The following CREB3L3 variants were observed in gnomAD, a reference collection of about 807,000 sequenced individuals.
The protein encoded by CREB3L3 is cAMP responsive element binding protein 3 like 3, also known as cyclic AMP-responsive element-binding protein 3-like protein 3.
CREB3L3 carries 40 observed loss-of-function variants against 44.6 expected under a neutral mutation model. The ratio of observed to expected loss-of-function variants is 0.90; its 90% CI spans 0.70 to 1.17. The LOEUF (loss-of-function observed/expected upper bound fraction) is 1.17. CREB3L3 is among the 50% of genes most tolerant of loss of function. CREB3L3 has a pLI of 0.00. For synonymous variants in CREB3L3, 273 were observed against 256.3 expected, an observed-to-expected ratio of 1.06 and a Z score of -0.62; for missense variants, 578 against 595.8, an observed-to-expected ratio of 0.97 and a Z score of 0.31.
At chr19:4,165,612 A>G (rs1265310866) in intron 5 of CREB3L3, among the ~76,000 whole-genome samples, 1 of 152,144 alleles carries the variant, frequency 6.6e-6, no homozygotes, top group African/African-American at 2.4e-5. Flanking sequence ...CTGTAATCCC[A>G]GCACTGTGGG....
At chr19:4,170,862 C>G (rs1463152833) in intron 7 of CREB3L3, among the ~76,000 whole-genome samples, 1 of 151,484 alleles carries the variant, frequency 6.6e-6, no homozygotes, top group Non-Finnish European at 1.5e-5. Context: ...AGTGAGCTGC[C>G]ATCCCACCAC....
intron 3 of CREB3L3, among the ~76,000 whole-genome samples, chr19:4,158,665 G>A (rs1025015309): frequency 5.3e-5 from 8 of 152,158 alleles, no homozygotes; most frequent in African/African-American, 1.9e-4. Flanking sequence ...GCTGGGTGTG[G>A]TGGCAGGCGC....
Position 4,171,486 on chromosome 19 carries a change from G to T in CREB3L3, c.1072+7G>T, listed in dbSNP as rs752856335. On this transcript the variant is annotated splice_region_variant and intron_variant, in intron 9 of 9. Coordinates refer to ENST00000078445, the MANE Select transcript of CREB3L3 (RefSeq NM_032607.3). The surrounding 1 kb of genome is among the most constrained non-coding windows in gnomAD (Gnocchi z 4.9). ...GACTTTGCGCCTGTACGAGGTAGGG[G>T]ATCCCCACCTTTGAAACCCTTGTCT... The T allele has an allele frequency of 2.5e-6, 4 of 1,613,832 alleles. No homozygotes were observed. Among genetic ancestry groups the T allele is most frequent in the Non-Finnish European group, 3.4e-6 (4 of 1,179,804 alleles).
Position 4,171,900 on chromosome 19 carries a change from C to T in CREB3L3, c.1317C>T (p.Asp439=), listed in dbSNP as rs147172080. The T allele has an allele frequency of 3.6e-3, 5,881 of 1,612,578 alleles. 26 individuals are homozygous for T. The highest frequency in any genetic ancestry group is 9.5e-3 in the South Asian group (863 of 91,052). The change falls in exon 10 of 10, where the codon GAC becomes GAT. Residue 439 remains aspartate (D), a synonymous_variant. Coordinates refer to ENST00000078445, the MANE Select transcript of CREB3L3 (RefSeq NM_032607.3). This position sits in a 1 kb window ranked among gnomAD's most constrained non-coding sequence, Gnocchi z 4.9. The part of the protein sequence containing the change: ...TEGLGQVALL[D]WVAPGPSTGS... Reference sequence around the variant, plus strand: ...GGCTGGGCCAGGTCGCCCTGCTGGACTGGGTGGCGCCTGGGCCGAGCACTG... The same window carrying T: ...GGCTGGGCCAGGTCGCCCTGCTGGATTGGGTGGCGCCTGGGCCGAGCACTG...
rs935420113 is a variant in CREB3L3 at position 4,172,034 on chromosome 19, C to T, written c.*65C>T. 6.2e-6 allele frequency: 9 copies of T among 1,453,820 alleles called. No homozygotes were observed. Among genetic ancestry groups the T allele is most frequent in the Admixed American group, 4.4e-5 (2 of 45,334 alleles). The allele number at this position is 1,453,820 out of a possible 1,614,324, so 90.1% of individuals were successfully genotyped here. On this transcript the variant is annotated 3_prime_UTR_variant, in exon 10 of 10. Transcript: ENST00000078445. ...GGTGCCTTGGGGATGCTGCACTGGG[C>T]AGCTACCCACCTGGGGATGGGACGT...
chr19:4,171,048 G>A lies in CREB3L3; in HGVS notation c.891-43G>A, dbSNP rs529798782. The A allele has an allele frequency of 2.2e-4, 338 of 1,507,724 alleles. 7 individuals are homozygous for A. In the South Asian group the frequency reaches 3.6e-3, roughly 16 times the overall value. The allele number at this position is 1,507,724 out of a possible 1,614,324, so 93.4% of individuals were successfully genotyped here. ...CCGGAAATGGACGAGAAGCAGAACC[G>A]AGGCCCTTTAGGGCTCAGCGGAGGC... On this transcript the variant is annotated intron_variant, in intron 7 of 9. Coordinates refer to ENST00000078445, the MANE Select transcript of CREB3L3 (RefSeq NM_032607.3). This position sits in a 1 kb window ranked among gnomAD's most constrained non-coding sequence, Gnocchi z 4.9.
intron 4 of CREB3L3, among the ~76,000 whole-genome samples, chr19:4,163,699 G>T (rs186640063): frequency 6.6e-6 from 1 of 151,426 alleles, no homozygotes; most frequent in Admixed American, 6.6e-5. Flanking sequence ...TTTTAATGGA[G>T]ACAGGGTTTC....
At position 4,171,344 on chromosome 19, in the gene CREB3L3, AG is replaced by A; in HGVS notation, c.976-35del. 8.0e-7 allele frequency: 1 copy of A among 1,250,386 alleles called. No homozygotes were observed. The allele number at this position is 1,250,386 out of a possible 1,614,324, so 77.5% of individuals were successfully genotyped here. On this transcript the variant is annotated intron_variant, in intron 8 of 9. Transcript: ENST00000078445. The surrounding 1 kb of genome is among the most constrained non-coding windows in gnomAD (Gnocchi z 4.9). ...TGTGGGATGGAGATGCTTGCAGGGG[AG>A]GGGAGGGAGGGGGTGACTCTGCCGC...
chr19:4,154,426 G>C (rs945886520), intron 1 of CREB3L3, among the ~76,000 whole-genome samples: 3 of 151,860 alleles, frequency 2.0e-5, no homozygotes, highest in Admixed American at 6.6e-5. Flanking sequence ...GTGGAGTGCA[G>C]TGGGGTGGCC....
At chr19:4,163,233 G>T (rs1337933933) in intron 4 of CREB3L3, among the ~76,000 whole-genome samples, 1 of 151,624 alleles carries the variant, frequency 6.6e-6, no homozygotes, top group Non-Finnish European at 1.5e-5. Flanking sequence ...GCGTGAACCC[G>T]GGAAGCAGAG....
Position 4,172,039 on chromosome 19 carries a change from A to G in CREB3L3, c.*70A>G, listed in dbSNP as rs1180384609. ...CTTGGGGATGCTGCACTGGGCAGCT[A>G]CCCACCTGGGGATGGGACGTGAGGC... On this transcript the variant is annotated 3_prime_UTR_variant, in exon 10 of 10. Transcript: ENST00000078445. 7.0e-7 allele frequency: 1 copy of G among 1,434,696 alleles called. No homozygotes were observed. The highest frequency in any genetic ancestry group is 1.4e-5 in the African/African-American group (1 of 70,716). 88.9% of individuals were successfully genotyped at this position (1,434,696 alleles called of 1,614,324 possible).
At chr19:4,159,871 G>A in intron 4 of CREB3L3, 89 bp downstream of exon 4, 2 of 762,978 alleles carry the variant, frequency 2.6e-6, no homozygotes, top group Non-Finnish European at 4.9e-6. Context: ...TTCAGAGACT[G>A]GAAAACTGAG....
chr19:4,172,454 C>A lies in CREB3L3; in HGVS notation c.*485C>A, dbSNP rs1334710504. 7 of 305,874 alleles carry A rather than the reference C, an allele frequency of 2.3e-5. No individual in the cohort carries two copies. The highest frequency in any genetic ancestry group is 4.4e-5 in the Non-Finnish European group (7 of 160,884). 18.9% of individuals were successfully genotyped at this position (305,874 alleles called of 1,614,324 possible). A position where few individuals can be genotyped will look rare whatever the true frequency, so the allele number is the denominator to read the frequency against. Reference sequence around the variant, plus strand: ...AAACAGACCCAGACAGACAGACAGACACAGCCTGAAACAGACCCGGACAGA... The same window carrying A: ...AAACAGACCCAGACAGACAGACAGAAACAGCCTGAAACAGACCCGGACAGA... On this transcript the variant is annotated 3_prime_UTR_variant, in exon 10 of 10. Transcript: ENST00000078445.
rs762624863 is a variant in CREB3L3, at chr19:4,153,710, A to G, written c.-38A>G. The G allele has an allele frequency of 1.2e-6, 2 of 1,613,136 alleles. No homozygotes were observed. Among genetic ancestry groups the G allele is most frequent in the Non-Finnish European group, 1.7e-6 (2 of 1,179,530 alleles). On this transcript the variant is annotated 5_prime_UTR_variant, in exon 1 of 10. Transcript: ENST00000078445. ...GGTGGGCCTCCAGCTTGGAGCAGAGACCCCCCGAGGCATCTGCAGACAGAA... is the reference window on the plus strand; with the variant it reads ...GGTGGGCCTCCAGCTTGGAGCAGAGGCCCCCCGAGGCATCTGCAGACAGAA...
At chr19:4,168,571 CCT>C (rs1230247983) in intron 6 of CREB3L3, 114 bp downstream of exon 6, 2 of 771,422 alleles carry the variant, frequency 2.6e-6, no homozygotes, top group Non-Finnish European at 4.4e-6. Context: ...AGGTGATTCT[CCT>C]CTCTGGGAGA....
intron 4 of CREB3L3, among the ~76,000 whole-genome samples, chr19:4,163,410 C>T (rs901901746): frequency 3.3e-5 from 5 of 151,232 alleles, no homozygotes; most frequent in Non-Finnish European, 5.9e-5. Context: ...CCATTTTGCG[C>T]GTGTGTGAGG....
chr19:4,165,316 C>T (rs72978988), intron 5 of CREB3L3, among the ~76,000 whole-genome samples: 15 of 150,742 alleles, frequency 1.0e-4, no homozygotes, highest in African/African-American at 2.7e-4. Flanking sequence ...GACAGGTGCA[C>T]GCCACTACAC....
Position 4,164,631 on chromosome 19 carries a change from C to G in CREB3L3, c.705C>G (p.Pro235=), listed in dbSNP as rs547803453. The G allele has an allele frequency of 3.1e-6, 5 of 1,613,922 alleles. No homozygotes were observed. The Admixed American group carries it at 6.7e-5, about 22-fold the overall frequency. The part of the protein sequence containing the change: ...KEGITLPTQL[P]LTKYEERVLK... Reference sequence around the variant, plus strand: ...GCATCACCCTGCCCACTCAGCTGCCCCTCACTAAGGTGAGTCTGGGGGGAC... The same window carrying G: ...GCATCACCCTGCCCACTCAGCTGCCGCTCACTAAGGTGAGTCTGGGGGGAC... The change falls in exon 5 of 10, where the codon CCC becomes CCG. Residue 235 remains proline, a synonymous_variant. Coordinates refer to ENST00000078445, the MANE Select transcript of CREB3L3 (RefSeq NM_032607.3).
intron 4 of CREB3L3, among the ~76,000 whole-genome samples, chr19:4,163,950 G>A (rs1040971182): frequency 4.7e-5 from 7 of 149,408 alleles, no homozygotes; most frequent in African/African-American, 7.4e-5. Context: ...GATTACAGGC[G>A]CCGCCACCAT....
Sources: gnomAD v4.1 joint callset for allele counts (sites outside exome capture counted in the v4.1 genomes callset) on GRCh38, gnomAD v4.1.1 for gene constraint, Gnocchi (gnomAD v3.1) non-coding constraint, MANE v1.5 for transcripts, NCBI Gene and HGNC (gene_info 2026-07-23, HGNC 2026-07-21) for gene names.